SLC9A9: variants seen among roughly 807,000 people sequenced by gnomAD.
SLC9A9 encodes sodium/hydrogen exchanger 9.
A neutral mutation model predicts 77.8 loss-of-function variants in SLC9A9; 62 were observed. The observed-to-expected ratio is 0.80, with a 90% CI of 0.65 to 0.98. The LOEUF (loss-of-function observed/expected upper bound fraction) is 0.98, where lower values mean the gene tolerates loss of function less well. SLC9A9 is among the 50% of genes least tolerant of loss of function. The probability of loss-of-function intolerance (pLI) is 0.00; values close to 1 mark genes in which losing one functional copy is unlikely to be tolerated. For synonymous variants in SLC9A9, 320 were observed against 283.5 expected, an observed-to-expected ratio of 1.13 and a Z score of -1.29; for missense variants, 775 against 774.9, an observed-to-expected ratio of 1.00 and a Z score of 0.00.
chr3:143,750,457 G>A (rs2006666130), intron 4 of SLC9A9, among the ~76,000 whole-genome samples: 2 of 152,100 alleles, frequency 1.3e-5, no homozygotes, highest in Non-Finnish European at 2.9e-5. Flanking sequence ...GCTAAAAACA[G>A]GAACCTAATT....
intron 5 of SLC9A9, among the ~76,000 whole-genome samples, chr3:143,663,053 C>T (rs982420679): frequency 6.6e-6 from 1 of 152,152 alleles, no homozygotes; most frequent in Non-Finnish European, 1.5e-5. Flanking sequence ...TGACTGACAC[C>T]TCATACAGCC....
At position 143,266,067 on chromosome 3, in the gene SLC9A9, C is replaced by T; in HGVS notation, c.*635G>A. On this transcript the variant is annotated 3_prime_UTR_variant, in exon 16 of 16. Coordinates refer to ENST00000316549, the MANE Select transcript of SLC9A9 (RefSeq NM_173653.4). ...AGGGCACACCCAGCCATAGGCAACC[C>T]CTTTGAGCGATGGGAGAAGTAGCAT... is the stretch of plus-strand genomic sequence containing the variant. 1.4e-6 allele frequency: 1 copy of T among 702,326 alleles called. No homozygotes were observed. Among genetic ancestry groups the T allele is most frequent in the Non-Finnish European group, 2.6e-6 (1 of 384,794 alleles). The allele number at this position is 702,326 out of a possible 1,614,324, so 43.5% of individuals were successfully genotyped here.
At chr3:143,449,814 A>G (rs2034950923) in intron 12 of SLC9A9, among the ~76,000 whole-genome samples, 1 of 39,956 alleles carries the variant, frequency 2.5e-5, no homozygotes, top group Non-Finnish European at 3.5e-5. Context: ...ATATATAATT[A>G]TATATTTACA....
Position 143,848,458 on chromosome 3 carries a change from T to C in SLC9A9, c.-136A>G, listed in dbSNP as rs1031105733. ...TTTAGTTGCTACTTCACAAGCATTC[T>C]GCCCTGGCTTAGTATTCAGATGGCT... On this transcript the variant is annotated 5_prime_UTR_variant, in exon 1 of 16. Coordinates refer to ENST00000316549, the MANE Select transcript of SLC9A9 (RefSeq NM_173653.4). The C allele has an allele frequency of 3.6e-6, 4 of 1,123,822 alleles. No homozygotes were observed. In the African/African-American group the frequency reaches 6.2e-5, roughly 17 times the overall value. The allele number at this position is 1,123,822 out of a possible 1,614,324, so 69.6% of individuals were successfully genotyped here.
At chr3:143,368,052 A>G (rs1327399000) in intron 13 of SLC9A9, among the ~76,000 whole-genome samples, 1 of 152,218 alleles carries the variant, frequency 6.6e-6, no homozygotes, top group Non-Finnish European at 1.5e-5. Context: ...TACTCTAAGC[A>G]GCAGAATGTT....
intron 4 of SLC9A9, among the ~76,000 whole-genome samples, chr3:143,768,183 C>A (rs2007393979): frequency 6.6e-6 from 1 of 152,084 alleles, no homozygotes; most frequent in Admixed American, 6.6e-5. Flanking sequence ...ATCAGGGGCT[C>A]CTCACTCTCA....
intron 2 of SLC9A9, among the ~76,000 whole-genome samples, chr3:143,800,763 A>G (rs1239040042): frequency 6.6e-6 from 1 of 152,140 alleles, no homozygotes; most frequent in African/African-American, 2.4e-5. Flanking sequence ...TCTACTTTGT[A>G]GTCCCTCCTT....
chr3:143,741,229 G>A (rs946168280), intron 4 of SLC9A9, among the ~76,000 whole-genome samples: 2 of 152,158 alleles, frequency 1.3e-5, no homozygotes, highest in South Asian at 4.2e-4. Context: ...TATAGCATAA[G>A]CCTGGAGTAT....
intron 4 of SLC9A9, among the ~76,000 whole-genome samples, chr3:143,773,488 CTTTTTT>C (rs869188697): frequency 1.4e-5 from 2 of 141,504 alleles, no homozygotes; most frequent in African/African-American, 2.6e-5. Context: ...TTTACTTTTT[CTTTTTT>C]TTTTTTTGAA....
intron 14 of SLC9A9, among the ~76,000 whole-genome samples, chr3:143,357,416 G>T (rs1389024749): frequency 6.6e-6 from 1 of 152,104 alleles, no homozygotes; most frequent in Non-Finnish European, 1.5e-5. Flanking sequence ...AATCAATAAA[G>T]TATCCATTGA....
chr3:143,688,599 G>A (rs916889550), intron 5 of SLC9A9, among the ~76,000 whole-genome samples: 2 of 152,038 alleles, frequency 1.3e-5, no homozygotes, highest in South Asian at 2.1e-4. Flanking sequence ...AGGGACTTCC[G>A]CATTTCCCTT....
intron 4 of SLC9A9, among the ~76,000 whole-genome samples, chr3:143,754,608 T>C (rs2006862516): frequency 6.6e-6 from 1 of 152,090 alleles, no homozygotes; most frequent in African/African-American, 2.4e-5. Flanking sequence ...GTAAGCGAGC[T>C]ACTGAAAAGG....
Position 143,652,778 on chromosome 3 carries a change from T to TACACACACACACACAC in SLC9A9, c.650-434_650-419dup, listed in dbSNP as rs369670861. 1.2e-3 allele frequency among the ~76,000 whole-genome samples: 96 copies of TACACACACACACACAC among 82,436 alleles called. 2 individuals carry two copies. The highest frequency in any genetic ancestry group is 1.6e-3 in the Non-Finnish European group (61 of 37,338). 54.1% of individuals were successfully genotyped at this position (82,436 alleles called of 152,430 possible). Reference sequence around the variant, plus strand: ...TGCTACCATCCTTGTATTCCTTAAATACACACACACACACACACACACACA... The same window carrying TACACACACACACACAC: ...TGCTACCATCCTTGTATTCCTTAAATACACACACACACACACACACACACACACACACACACACACA... On this transcript the variant is annotated intron_variant, in intron 5 of 15. Coordinates refer to ENST00000316549, the MANE Select transcript of SLC9A9 (RefSeq NM_173653.4).
intron 9 of SLC9A9, among the ~76,000 whole-genome samples, chr3:143,539,957 C>G (rs1414492109): frequency 6.6e-6 from 1 of 151,434 alleles, no homozygotes; most frequent in Non-Finnish European, 1.5e-5. Context: ...AGAAAGAATA[C>G]AAAACCATGA....
chr3:143,555,041 C>A (rs1292427785), intron 8 of SLC9A9, among the ~76,000 whole-genome samples: 1 of 152,036 alleles, frequency 6.6e-6, no homozygotes, highest in Admixed American at 6.5e-5. Context: ...GGCTGTGTCC[C>A]CACCCAAATC....
At chr3:143,377,841 C>T (rs2033216051) in intron 13 of SLC9A9, among the ~76,000 whole-genome samples, 1 of 152,204 alleles carries the variant, frequency 6.6e-6, no homozygotes, top group African/African-American at 2.4e-5. Context: ...CTGCCCCTGT[C>T]TGTTTCTCCC....
At chr3:143,743,233 GGATGGATGGATAGATA>G (rs1261180814) in intron 4 of SLC9A9, among the ~76,000 whole-genome samples, 10 of 134,346 alleles carry the variant, frequency 7.4e-5, no homozygotes, top group African/African-American at 1.7e-4. Context: ...ATGGATGGAT[GGATGGATGGATAGATA>G]GATAGATAGA....
At chr3:143,657,049 G>A (rs780713504) in intron 5 of SLC9A9, among the ~76,000 whole-genome samples, 2 of 152,182 alleles carry the variant, frequency 1.3e-5, no homozygotes, top group Non-Finnish European at 2.9e-5. Context: ...GTATCTGGGT[G>A]CAGGCTGAAA....
intron 14 of SLC9A9, among the ~76,000 whole-genome samples, chr3:143,284,402 C>CTATTT (rs1252694293): frequency 6.1e-5 from 9 of 147,004 alleles, no homozygotes; most frequent in African/African-American, 1.8e-4. Flanking sequence ...TTGGCCCTTT[C>CTATTT]TATTTTTTTT....
Sources: allele counts gnomAD v4.1 joint callset (sites outside exome capture counted in the v4.1 genomes callset), GRCh38; gene constraint gnomAD v4.1.1; transcripts MANE v1.5; gene names NCBI Gene and HGNC (gene_info 2026-07-23, HGNC 2026-07-21).